GSK3B: variants seen among roughly 807,000 people sequenced by gnomAD.
GSK3B encodes glycogen synthase kinase-3 beta.
GSK3B carries 15 observed loss-of-function variants against 56.4 expected under a neutral mutation model. The ratio of observed to expected loss-of-function variants is 0.27; its 90% CI spans 0.18 to 0.41. The LOEUF (loss-of-function observed/expected upper bound fraction) is 0.41. Ranked by LOEUF, GSK3B falls within the 10% of genes least tolerant of loss-of-function variation. The pLI is 1.00. For missense variants in GSK3B, 300 were observed against 513.4 expected, an observed-to-expected ratio of 0.58 and a Z score of 4.02; for synonymous variants, 181 against 188.9, an observed-to-expected ratio of 0.96 and a Z score of 0.34.
chr3:119,878,970 C>T (rs2056347418), intron 7 of GSK3B, among the ~76,000 whole-genome samples: 1 of 152,112 alleles, frequency 6.6e-6, no homozygotes, highest in East Asian at 1.9e-4. Context: ...TGTTCATTAT[C>T]TTGGTTTCAC....
At chr3:119,922,508 C>G (rs2056853265) in intron 4 of GSK3B, among the ~76,000 whole-genome samples, 1 of 147,514 alleles carries the variant, frequency 6.8e-6, no homozygotes, top group Non-Finnish European at 1.5e-5. Flanking sequence ...AACAAAAGTG[C>G]TTGAAGAACT....
rs201865880 is a variant in GSK3B, at chr3:120,094,010, G to A, written c.-576C>T. 2.1e-4 allele frequency: 46 copies of A among 218,770 alleles called. No individual in the cohort carries two copies. The highest frequency in any genetic ancestry group is 5.1e-4 in the South Asian group (4 of 7,780). The allele number at this position is 218,770 out of a possible 1,614,324, so 13.6% of individuals were successfully genotyped here. ...ACGGCAGGGGCCCGGCGAACTAGAG[G>A]GCGGCGGAGTCGCGAGTCAGTCAGA... On this transcript the variant is annotated 5_prime_UTR_variant, in exon 1 of 11. Transcript: ENST00000264235.
At chr3:120,017,027 A>C (rs1264292148) in intron 1 of GSK3B, among the ~76,000 whole-genome samples, 1 of 152,232 alleles carries the variant, frequency 6.6e-6, no homozygotes, top group Non-Finnish European at 1.5e-5. Context: ...TTTGGCTTTT[A>C]GGAATTTACA....
chr3:120,028,104 G>C (rs541276083), intron 1 of GSK3B, among the ~76,000 whole-genome samples: 2 of 152,266 alleles, frequency 1.3e-5, no homozygotes, highest in South Asian at 4.1e-4. Context: ...TCTTCAATTA[G>C]GCATTGTTAT....
intron 3 of GSK3B, among the ~76,000 whole-genome samples, chr3:119,935,949 A>C (rs2056989780): frequency 1.3e-5 from 2 of 152,196 alleles, no homozygotes; most frequent in Admixed American, 6.5e-5. Context: ...ACATTCAAAA[A>C]TCAACTTATA....
At chr3:120,071,302 T>C (rs2058324409) in intron 1 of GSK3B, among the ~76,000 whole-genome samples, 1 of 152,220 alleles carries the variant, frequency 6.6e-6, no homozygotes, top group African/African-American at 2.4e-5. Flanking sequence ...CTTAATTCCA[T>C]ATAGTTGAGC....
At chr3:119,969,694 A>G (rs931789309) in intron 2 of GSK3B, among the ~76,000 whole-genome samples, 3 of 152,230 alleles carry the variant, frequency 2.0e-5, no homozygotes, top group Non-Finnish European at 2.9e-5. Context: ...ATGGTCAACT[A>G]AACTTTCACA....
intron 3 of GSK3B, among the ~76,000 whole-genome samples, chr3:119,946,119 A>G (rs1397135574): frequency 6.6e-6 from 1 of 151,926 alleles, no homozygotes; most frequent in Non-Finnish European, 1.5e-5. Context: ...AGCAAGTGTC[A>G]ATAAAGGGCC....
intron 1 of GSK3B, among the ~76,000 whole-genome samples, chr3:120,060,547 G>A (rs561850206): frequency 6.6e-6 from 1 of 151,996 alleles, no homozygotes; most frequent in East Asian, 1.9e-4. Flanking sequence ...GGCAACATAG[G>A]GAGACCCCGT....
rs935730842 is a variant in GSK3B at position 119,826,048 on chromosome 3, G to A, written c.*740C>T. On this transcript the variant is annotated 3_prime_UTR_variant, in exon 11 of 11. Transcript: ENST00000264235. ...AAAGAGCCACCTGTAGAGCATGTGTGCCTGAGTCTTGCTTGCTGCTTCCCC... is the reference window on the plus strand; with the variant it reads ...AAAGAGCCACCTGTAGAGCATGTGTACCTGAGTCTTGCTTGCTGCTTCCCC... The A allele has an allele frequency of 4.5e-6, 1 of 222,772 alleles. No homozygotes were observed. Among genetic ancestry groups the A allele is most frequent in the African/African-American group, 2.2e-5 (1 of 44,700 alleles). The allele number at this position is 222,772 out of a possible 1,614,324, so 13.8% of individuals were successfully genotyped here.
At chr3:119,920,675 G>A (rs1026047674) in intron 4 of GSK3B, among the ~76,000 whole-genome samples, 4 of 152,064 alleles carry the variant, frequency 2.6e-5, no homozygotes, top group Admixed American at 1.3e-4. Flanking sequence ...ATTCTAAGAT[G>A]GTTATGTAGG....
chr3:119,956,861 A>T (rs2107501457), intron 2 of GSK3B, among the ~76,000 whole-genome samples: 1 of 152,336 alleles, frequency 6.6e-6, no homozygotes, highest in African/African-American at 2.4e-5. Context: ...GGGCAAATAA[A>T]CATTTTCTAT....
At chr3:120,076,813 CAAAAAAAAA>C (rs202058386) in intron 1 of GSK3B, among the ~76,000 whole-genome samples, 1 of 45,600 alleles carries the variant, frequency 2.2e-5, no homozygotes, top group Non-Finnish European at 4.8e-5. Context: ...AACTCCGTCT[CAAAAAAAAA>C]AAAAAAAAAA....
chr3:119,929,195 G>A (rs1394552789), intron 3 of GSK3B, among the ~76,000 whole-genome samples: 1 of 152,120 alleles, frequency 6.6e-6, no homozygotes, highest in Admixed American at 6.6e-5. Flanking sequence ...TGTAAATGAG[G>A]TCTAATAAAG....
At chr3:119,852,033 A>T (rs2055937457) in intron 9 of GSK3B, among the ~76,000 whole-genome samples, 1 of 152,256 alleles carries the variant, frequency 6.6e-6, no homozygotes, top group Non-Finnish European at 1.5e-5. Context: ...TAACAATTCC[A>T]AAGTGCCCAG....
At chr3:119,903,162 G>C (rs991313027) in intron 7 of GSK3B, among the ~76,000 whole-genome samples, 1 of 152,096 alleles carries the variant, frequency 6.6e-6, no homozygotes, top group African/African-American at 2.4e-5. Flanking sequence ...TGCAATGTGT[G>C]GTAACTTCCA....
chr3:119,913,456 T>C (rs539095944), intron 5 of GSK3B, among the ~76,000 whole-genome samples: 63 of 152,150 alleles, frequency 4.1e-4, no homozygotes, highest in Non-Finnish European at 6.0e-4. Flanking sequence ...ATTCCAATTT[T>C]CCTACTAAAA....
intron 1 of GSK3B, among the ~76,000 whole-genome samples, chr3:120,004,206 C>A (rs889946126): frequency 6.6e-6 from 1 of 152,132 alleles, no homozygotes; most frequent in Non-Finnish European, 1.5e-5. Context: ...GGGCGTTTGC[C>A]ATTGCTGAGG....
chr3:119,944,015 A>C (rs556361141), intron 3 of GSK3B, among the ~76,000 whole-genome samples: 7 of 152,318 alleles, frequency 4.6e-5, no homozygotes, highest in Admixed American at 4.6e-4. Context: ...ATAGAAAAAA[A>C]AGAGGGAAAG....
Sources: allele counts gnomAD v4.1 joint callset (sites outside exome capture counted in the v4.1 genomes callset), GRCh38; gene constraint gnomAD v4.1.1; transcripts MANE v1.5; gene names NCBI Gene and HGNC (gene_info 2026-07-23, HGNC 2026-07-21).